Variants in CYS1 observed in about 807,000 individuals in gnomAD.
The protein encoded by CYS1 is cystin-1.
In CYS1, 5 loss-of-function variants were observed where a neutral mutation model predicts 9.6. That is an observed-to-expected ratio of 0.52 (90% CI 0.27 to 1.10). The LOEUF is 1.10. Among genes scored for constraint, CYS1 ranks in the 50% least tolerant of loss-of-function variants. The probability of loss-of-function intolerance (pLI) is 0.11; values close to 1 mark genes in which losing one functional copy is unlikely to be tolerated. For missense variants in CYS1, 221 were observed against 207.9 expected (o/e 1.06, Z -0.39); for synonymous variants, 88 against 95.7 (o/e 0.92, Z 0.47).
intron 1 of CYS1, among the ~76,000 whole-genome samples, chr2:10,074,443 G>C (rs1661815484): frequency 6.6e-6 from 1 of 151,960 alleles, no homozygotes; most frequent in Admixed American, 6.6e-5. Flanking sequence ...CTGCCCCCAT[G>C]CAGTCTCCCC....
chr2:10,069,289 A>G (rs533743362), intron 1 of CYS1, among the ~76,000 whole-genome samples: 19 of 152,336 alleles, frequency 1.2e-4, no homozygotes, highest in African/African-American at 4.6e-4. Flanking sequence ...GAAAATGAAG[A>G]TATTTTCAGA....
At chr2:10,059,810 C>A (rs1015216156) in intron 2 of CYS1, among the ~76,000 whole-genome samples, 2 of 152,276 alleles carry the variant, frequency 1.3e-5, no homozygotes, top group African/African-American at 4.8e-5. Context: ...GGGAACCACA[C>A]GTTCAGGATC....
intron 1 of CYS1, among the ~76,000 whole-genome samples, chr2:10,071,464 G>A (rs1661767247): frequency 6.6e-6 from 1 of 152,222 alleles, no homozygotes. Flanking sequence ...GCAGCCTTAA[G>A]GATGGAATGC....
At chr2:10,060,903 A>G (rs1450373168) in intron 2 of CYS1, among the ~76,000 whole-genome samples, 1 of 152,214 alleles carries the variant, frequency 6.6e-6, no homozygotes, top group African/African-American at 2.4e-5. Context: ...GAAGCACTCA[A>G]CAGAAGTCGC....
chr2:10,079,937 C>G lies in CYS1; in HGVS notation c.287G>C (p.Arg96Pro). ...CCCCGCGACCGCGGTGGGTCGGAGC[C>G]GGGCTGGGCGGCGCGGGGCGGGCTC... ...PPEPAPRRPARLRPTAVAGSA... is the reference protein window; with the variant it reads ...PPEPAPRRPAPLRPTAVAGSA... Residue 96 changes from arginine (R) to proline (P), a missense_variant, in exon 1 of 3, where the codon CGG becomes CCG. Arg to Pro is a moderately radical substitution (Grantham distance 103). Coordinates refer to ENST00000381813, the MANE Select transcript of CYS1 (RefSeq NM_001037160.3). The G allele has an allele frequency of 8.9e-7, 1 of 1,119,618 alleles. No homozygotes were observed. Among genetic ancestry groups the G allele is most frequent in the Non-Finnish European group, 1.1e-6 (1 of 915,956 alleles). The allele number at this position is 1,119,618 out of a possible 1,614,324, so 69.4% of individuals were successfully genotyped here.
At chr2:10,073,500 A>G (rs767424321) in intron 1 of CYS1, among the ~76,000 whole-genome samples, 2 of 152,214 alleles carry the variant, frequency 1.3e-5, no homozygotes, top group Non-Finnish European at 2.9e-5. Context: ...AGCTCAAGTC[A>G]TCTCGGATTT....
At chr2:10,064,811 G>A (rs576611553) in intron 2 of CYS1, among the ~76,000 whole-genome samples, 344 of 152,000 alleles carry the variant, frequency 2.3e-3, no homozygotes, top group African/African-American at 7.0e-3. Flanking sequence ...TCCACCTCCC[G>A]GGTTCAAGTG....
In CYS1 at chr2:10,057,395, A is replaced by G. The variant is rs1661565161; in HGVS notation, c.*1458T>C. The G allele has an allele frequency of 6.6e-6, 1 of 152,272 alleles. No individual in the cohort carries two copies. Among genetic ancestry groups the G allele is most frequent in the African/African-American group, 2.4e-5 (1 of 41,476 alleles). 9.4% of individuals were successfully genotyped at this position (152,272 alleles called of 1,614,324 possible). On this transcript the variant is annotated 3_prime_UTR_variant, in exon 3 of 3. Coordinates refer to ENST00000381813, the MANE Select transcript of CYS1 (RefSeq NM_001037160.3). The stretch of plus-strand genomic sequence containing the variant: ...CAAAGGCACTCTCAAAAGTTCAAGG[A>G]AATGCCCGTTTGCGGATGGCCGCAG...
At chr2:10,070,979 T>G (rs1447497107) in intron 1 of CYS1, among the ~76,000 whole-genome samples, 1 of 151,976 alleles carries the variant, frequency 6.6e-6, no homozygotes, top group Non-Finnish European at 1.5e-5. Context: ...TTGTTTGTTT[T>G]GTTTTGAGAC....
At position 10,062,463 on chromosome 2, in the gene CYS1, C is replaced by T. The variant is rs150904471; in HGVS notation, c.371+3441G>A. On this transcript the variant is annotated intron_variant, in intron 2 of 2. Coordinates refer to ENST00000381813, the MANE Select transcript of CYS1 (RefSeq NM_001037160.3). ...GGCTGGAGTGCAGTGGCGCACTCTG[C>T]GATCTCGGCTCATTGCAACCTCCCC... Among the ~76,000 whole-genome samples, 234 of 152,092 alleles carry T rather than the reference C, an allele frequency of 1.5e-3. 2 individuals are homozygous for T. The highest frequency in any genetic ancestry group is 5.3e-3 in the African/African-American group (219 of 41,462).
chr2:10,076,803 G>A lies in CYS1; in HGVS notation c.318+3103C>T, dbSNP rs745902578. ...TTCCTAAGCACACGCTGGCAGCATC[G>A]TCACTGGTGATCCCATCTAATCTCA... is the stretch of plus-strand genomic sequence containing the variant. On this transcript the variant is annotated intron_variant, in intron 1 of 2. Coordinates refer to ENST00000381813, the MANE Select transcript of CYS1 (RefSeq NM_001037160.3). The surrounding 1 kb of genome is among the most constrained non-coding windows in gnomAD (Gnocchi z 4.3). Among the ~76,000 whole-genome samples the A allele has an allele frequency of 6.6e-6, 1 of 152,114 alleles. No individual in the cohort carries two copies. Among genetic ancestry groups the A allele is most frequent in the African/African-American group, 2.4e-5 (1 of 41,428 alleles).
chr2:10,058,710 G>A lies in CYS1; in HGVS notation c.*143C>T. 1.4e-6 allele frequency: 1 copy of A among 701,114 alleles called. No individual in the cohort carries two copies. Among genetic ancestry groups the A allele is most frequent in the Non-Finnish European group, 2.3e-6 (1 of 435,272 alleles). 43.4% of individuals were successfully genotyped at this position (701,114 alleles called of 1,614,324 possible). A position where few individuals can be genotyped will look rare whatever the true frequency, so the allele number is the denominator to read the frequency against. Reference sequence around the variant, plus strand: ...TGGCCCAGGTCAGCGCGGTCTGAAAGTGGATTTGAAAGGGCAGCTTTGAAT... The same window carrying A: ...TGGCCCAGGTCAGCGCGGTCTGAAAATGGATTTGAAAGGGCAGCTTTGAAT... On this transcript the variant is annotated 3_prime_UTR_variant, in exon 3 of 3. Coordinates refer to ENST00000381813, the MANE Select transcript of CYS1 (RefSeq NM_001037160.3).
chr2:10,073,219 C>G (rs397897126), intron 1 of CYS1, among the ~76,000 whole-genome samples: 39 of 146,754 alleles, frequency 2.7e-4, no homozygotes, highest in Admixed American at 8.7e-4. Flanking sequence ...GCCCCCCCCC[C>G]CCCCCCGGCT....
rs558874791 is a variant in CYS1 at position 10,064,841 on chromosome 2, C to A, written c.371+1063G>T. Among the ~76,000 whole-genome samples the A allele has an allele frequency of 2.0e-5, 3 of 151,658 alleles. No homozygotes were observed. In the South Asian group the frequency reaches 6.2e-4, roughly 31 times the overall value. ...CAAGTGATTCTCCTGCCTTAGCCCC[C>A]GGAGTAGCTGGGATTACAGGTGCGC... On this transcript the variant is annotated intron_variant, in intron 2 of 2. Transcript: ENST00000381813.
intron 1 of CYS1, among the ~76,000 whole-genome samples, chr2:10,075,301 A>T (rs1661828459): frequency 6.6e-6 from 1 of 152,230 alleles, no homozygotes; most frequent in Non-Finnish European, 1.5e-5. Context: ...GTGCAGACGC[A>T]CTGGAGCATG....
chr2:10,058,562 T>G lies in CYS1; in HGVS notation c.*291A>C, dbSNP rs1053205582. ...CGGGCAACCAAGAGGGGCACGCATT[T>G]CAGGCTCCAGAAGAACTGGGCAGGC... On this transcript the variant is annotated 3_prime_UTR_variant, in exon 3 of 3. Transcript: ENST00000381813. 2.7e-5 allele frequency: 9 copies of G among 337,402 alleles called. No individual in the cohort carries two copies. The highest frequency in any genetic ancestry group is 4.9e-5 in the Non-Finnish European group (9 of 182,414). 20.9% of individuals were successfully genotyped at this position (337,402 alleles called of 1,614,324 possible).
intron 1 of CYS1, among the ~76,000 whole-genome samples, chr2:10,075,160 T>C (rs1661826609): frequency 6.6e-6 from 1 of 152,052 alleles, no homozygotes; most frequent in African/African-American, 2.4e-5. Flanking sequence ...TTTCTACACA[T>C]TGTTTCCTCT....
At chr2:10,065,675 C>T (rs765218991) in intron 2 of CYS1, among the ~76,000 whole-genome samples, 3 of 152,226 alleles carry the variant, frequency 2.0e-5, no homozygotes, top group African/African-American at 4.8e-5. Context: ...ATCCAGGTCA[C>T]GACCTTTTTT....
chr2:10,058,740 G>T lies in CYS1; in HGVS notation c.*113C>A. On this transcript the variant is annotated 3_prime_UTR_variant, in exon 3 of 3. Coordinates refer to ENST00000381813, the MANE Select transcript of CYS1 (RefSeq NM_001037160.3). ...TTTGAAAGGGCAGCTTTGAATATCC[G>T]GGAGTGACTGCGTTTTGGAGGTGGT... 1 of 890,482 alleles carries T rather than the reference G, an allele frequency of 1.1e-6. No homozygotes were observed. Among genetic ancestry groups the T allele is most frequent in the Non-Finnish European group, 1.7e-6 (1 of 593,364 alleles). 55.2% of individuals were successfully genotyped at this position (890,482 alleles called of 1,614,324 possible). A position where few individuals can be genotyped will look rare whatever the true frequency, so the allele number is the denominator to read the frequency against.
Sources: gnomAD v4.1 joint callset for allele counts (sites outside exome capture counted in the v4.1 genomes callset) on GRCh38, gnomAD v4.1.1 for gene constraint, Gnocchi (gnomAD v3.1) non-coding constraint, MANE v1.5 for transcripts, NCBI Gene and HGNC (gene_info 2026-07-23, HGNC 2026-07-21) for gene names.